TSPAN11: variants seen among roughly 807,000 people sequenced by gnomAD.
TSPAN11 encodes the protein tetraspanin-11.
Under a neutral mutation model 32.9 loss-of-function variants are expected in TSPAN11, and 29 were observed. The observed-to-expected ratio is 0.88, with a 90% CI of 0.66 to 1.20. The LOEUF (loss-of-function observed/expected upper bound fraction) is 1.20. TSPAN11 is among the 50% of genes most tolerant of loss of function. TSPAN11 has a pLI of 0.00. For missense variants in TSPAN11, 283 were observed against 329.1 expected (o/e 0.86, Z 1.08); for synonymous variants, 140 against 141.3 (o/e 0.99, Z 0.07).
intron 7 of TSPAN11, among the ~76,000 whole-genome samples, chr12:30,988,797 G>A (rs1939255130): frequency 6.6e-6 from 1 of 152,178 alleles, no homozygotes; most frequent in Admixed American, 6.5e-5. Flanking sequence ...AAAGTCACCT[G>A]CTGAAGGTGA....
At chr12:31,012,029 A>G in the TSPAN11 span, among the ~76,000 whole-genome samples, 3 of 152,216 alleles carry the variant, frequency 2.0e-5, no homozygotes, top group Non-Finnish European at 4.4e-5. Context: ...CAGTCAGATG[A>G]GGTCCATGCA....
chr12:30,939,812 ACTC>A (rs1371256454), intron 1 of TSPAN11, among the ~76,000 whole-genome samples: 1 of 151,912 alleles, frequency 6.6e-6, no homozygotes, highest in African/African-American at 2.4e-5. Flanking sequence ...CTGAGGTCTC[ACTC>A]CTCTAAGGAA....
chr12:30,988,211 G>A (rs140630910), intron 7 of TSPAN11, among the ~76,000 whole-genome samples: 4 of 152,316 alleles, frequency 2.6e-5, no homozygotes, highest in East Asian at 1.9e-4. Context: ...GGTACCACCC[G>A]ATCAGACTCT....
At chr12:31,015,082 G>A in the TSPAN11 span, among the ~76,000 whole-genome samples, 4 of 152,122 alleles carry the variant, frequency 2.6e-5, no homozygotes, top group Non-Finnish European at 5.9e-5. This position sits in a 1 kb window ranked among gnomAD's most constrained non-coding sequence, Gnocchi z 4.9. Flanking sequence ...TTACATAAAC[G>A]CATATTCTTT....
chr12:30,982,560 C>G lies in TSPAN11; in HGVS notation c.485C>G (p.Ala162Gly), dbSNP rs1191305373. 10 of 1,611,618 alleles carry G rather than the reference C, an allele frequency of 6.2e-6. No individual in the cohort carries two copies. Among genetic ancestry groups the G allele is most frequent in the Non-Finnish European group, 8.5e-6 (10 of 1,178,554 alleles). Residue 162 changes from alanine (A) to glycine (G), a missense_variant, in exon 6 of 8, where the codon GCC (alanine) becomes GGC (glycine). By Grantham distance (60) the Ala-to-Gly change is moderately conservative. Coordinates refer to ENST00000546076, the MANE Select transcript of TSPAN11 (RefSeq NM_001370302.1). Reference protein sequence around the residue: ...DFKCCGSNSSADWQHSTYILL... With the variant: ...DFKCCGSNSSGDWQHSTYILL... ...AAGTGCTGTGGAAGCAACAGCTCAG[C>G]CGACTGGCAGCACAGCACGTACATC...
chr12:30,963,691 C>A, intron 2 of TSPAN11, 135 bp from the exon 3 acceptor site: 1 of 951,606 alleles, frequency 1.1e-6, no homozygotes, highest in Non-Finnish European at 1.5e-6. Flanking sequence ...ATTGGGTAAC[C>A]ATACCATTCT....
At chr12:30,966,381 C>T (rs1328034360) in intron 3 of TSPAN11, among the ~76,000 whole-genome samples, 1 of 152,176 alleles carries the variant, frequency 6.6e-6, no homozygotes, top group African/African-American at 2.4e-5. Context: ...GCACAGTCTG[C>T]ATGTAGGGAT....
At chr12:30,984,645 G>A (rs1431709764) in intron 7 of TSPAN11, among the ~76,000 whole-genome samples, 4 of 126,818 alleles carry the variant, frequency 3.2e-5, no homozygotes, top group African/African-American at 9.1e-5. Context: ...TGCAACCTCC[G>A]CCTCCCAGGT....
chr12:30,965,902 T>TC, intron 3 of TSPAN11, among the ~76,000 whole-genome samples: 1 of 152,020 alleles, frequency 6.6e-6, no homozygotes, highest in East Asian at 1.9e-4. Flanking sequence ...GACTCACAGG[T>TC]CCTAGACCAA....
chr12:30,942,141 C>G (rs1938178933), intron 1 of TSPAN11, among the ~76,000 whole-genome samples: 1 of 152,192 alleles, frequency 6.6e-6, no homozygotes, highest in East Asian at 1.9e-4. Context: ...TTAGGGTTAC[C>G]CAATCTTTTC....
At chr12:31,015,185 G>T in the TSPAN11 span, among the ~76,000 whole-genome samples, 1 of 152,174 alleles carries the variant, frequency 6.6e-6, no homozygotes, top group African/African-American at 2.4e-5. The surrounding 1 kb of genome is among the most constrained non-coding windows in gnomAD (Gnocchi z 4.9). Context: ...TATGTATTGT[G>T]TATGGCGTAA....
intron 1 of TSPAN11, 81 bp from the exon 2 acceptor site, chr12:30,953,900 C>T: frequency 9.5e-7 from 1 of 1,049,626 alleles, no homozygotes. Flanking sequence ...TGAAGGGAGC[C>T]TTGCCAAGAT....
intron 7 of TSPAN11, among the ~76,000 whole-genome samples, chr12:30,987,886 G>A (rs1307610714): frequency 1.5e-5 from 2 of 137,116 alleles, no homozygotes; most frequent in African/African-American, 6.0e-5. Context: ...AGGACAGAAG[G>A]GGAACAGTAG....
At chr12:30,983,644 G>T (rs1415466106) in intron 7 of TSPAN11, among the ~76,000 whole-genome samples, 1 of 152,042 alleles carries the variant, frequency 6.6e-6, no homozygotes, top group African/African-American at 2.4e-5. Context: ...CATGTCCGTG[G>T]GTTCTGCATC....
chr12:30,970,236 G>A (rs1468402845), intron 3 of TSPAN11, among the ~76,000 whole-genome samples: 2 of 152,184 alleles, frequency 1.3e-5, no homozygotes, highest in African/African-American at 2.4e-5. Context: ...TGGGGGTCTG[G>A]CCCTCATTGC....
chr12:31,009,692 A>T, the TSPAN11 span, among the ~76,000 whole-genome samples: 3 of 152,260 alleles, frequency 2.0e-5, no homozygotes, highest in East Asian at 5.8e-4. Flanking sequence ...CCACACAGAG[A>T]AAGGTGAGCC....
chr12:30,928,005 C>T lies in TSPAN11; in HGVS notation c.-12+1209C>T, dbSNP rs142838867. 1.4e-4 allele frequency among the ~76,000 whole-genome samples: 22 copies of T among 152,186 alleles called. No individual in the cohort carries two copies. In the East Asian group the frequency reaches 4.1e-3, roughly 28 times the overall value. On this transcript the variant is annotated intron_variant, in intron 1 of 7. Transcript: ENST00000546076. Reference sequence around the variant, plus strand: ...TACAGGGGCCAAGTTGGTGGTCTGGCGAGGGCTTAGGTGGCCCAGAGCTGT... The same window carrying T: ...TACAGGGGCCAAGTTGGTGGTCTGGTGAGGGCTTAGGTGGCCCAGAGCTGT...
At chr12:30,965,252 C>A (rs953064173) in intron 3 of TSPAN11, among the ~76,000 whole-genome samples, 1 of 152,212 alleles carries the variant, frequency 6.6e-6, no homozygotes, top group Admixed American at 6.5e-5. Context: ...GTGTCCTGTC[C>A]GGCTCTGCAC....
intron 2 of TSPAN11, among the ~76,000 whole-genome samples, chr12:30,961,273 G>A (rs1459171804): frequency 2.0e-5 from 3 of 151,806 alleles, no homozygotes; most frequent in Non-Finnish European, 2.9e-5. Context: ...CCATCTTGCC[G>A]GAGGTTCTTT....
Sources: allele counts gnomAD v4.1 joint callset (sites outside exome capture counted in the v4.1 genomes callset), GRCh38; gene constraint gnomAD v4.1.1; non-coding constraint Gnocchi (gnomAD v3.1); transcripts MANE v1.5; gene names NCBI Gene and HGNC (gene_info 2026-07-23, HGNC 2026-07-21).